Variants in KANSL1 observed in about 807,000 individuals in gnomAD.
KANSL1 encodes the protein MLL1/MLL complex subunit KANSL1.
Under a neutral mutation model 103.6 loss-of-function variants are expected in KANSL1, and 22 were observed. That is an observed-to-expected ratio of 0.21 (90% CI 0.15 to 0.30). The LOEUF (loss-of-function observed/expected upper bound fraction) is 0.30, where lower values mean the gene tolerates loss of function less well. KANSL1 is among the 10% of genes least tolerant of loss of function. KANSL1 has a pLI of 1.00. For missense variants in KANSL1, 1,337 were observed against 1,399.8 expected, an observed-to-expected ratio of 0.96 and a Z score of 0.72; for synonymous variants, 600 against 527.6, an observed-to-expected ratio of 1.14 and a Z score of -1.88.
chr17:46,062,099 AAAAAAAAAAACAAACAAAC>A (rs2078182823), intron 6 of KANSL1, among the ~76,000 whole-genome samples: 1 of 67,274 alleles, frequency 1.5e-5, no homozygotes, highest in South Asian at 5.5e-4. Flanking sequence ...CTCAAAAAAA[AAAAAAAAAAACAAACAAAC>A]AAAAAAAAAA....
At chr17:46,110,520 T>C (rs2042757669) in intron 2 of KANSL1, among the ~76,000 whole-genome samples, 1 of 152,070 alleles carries the variant, frequency 6.6e-6, no homozygotes, top group Non-Finnish European at 1.5e-5. Flanking sequence ...AGACTTGACA[T>C]AGGTGCTCTG....
intron 2 of KANSL1, among the ~76,000 whole-genome samples, chr17:46,146,333 G>A (rs945516962): frequency 6.6e-6 from 1 of 152,202 alleles, no homozygotes. Flanking sequence ...TTTACAGAGA[G>A]GGAAATCAAT....
intron 1 of KANSL1, chr17:46,223,649 A>G (rs1236793163): frequency 1.3e-5 from 2 of 151,038 alleles, no homozygotes; most frequent in East Asian, 3.9e-4. Flanking sequence ...GAGGCTGGTA[A>G]TGAAAAAATA....
chr17:46,047,628 G>C lies in KANSL1; in HGVS notation c.2020+2905C>G, dbSNP rs138346632. Among the ~76,000 whole-genome samples, 79 of 151,868 alleles carry C rather than the reference G, an allele frequency of 5.2e-4. No individual in the cohort carries two copies. The East Asian group carries it at 0.011, about 22-fold the overall frequency. Reference sequence around the variant, plus strand: ...GCAAGACCCCATCTTTGTAGGGGGCGGGAGGCGGGGAAGCAGGTTGTGGTG... The same window carrying C: ...GCAAGACCCCATCTTTGTAGGGGGCCGGAGGCGGGGAAGCAGGTTGTGGTG... On this transcript the variant is annotated intron_variant, in intron 7 of 14. Coordinates refer to ENST00000432791, the MANE Select transcript of KANSL1 (RefSeq NM_015443.4).
At chr17:46,169,898 T>C (rs2046192750) in intron 2 of KANSL1, among the ~76,000 whole-genome samples, 1 of 152,140 alleles carries the variant, frequency 6.6e-6, no homozygotes, top group South Asian at 2.1e-4. Flanking sequence ...ACCAGTAAGA[T>C]GAGGTGGGCG....
rs2045180771 is a variant in KANSL1, at chr17:46,152,596, T to A, written c.1289+18259A>T. 6.5e-5 allele frequency among the ~76,000 whole-genome samples: 9 copies of A among 138,638 alleles called. No homozygotes were observed. In the South Asian group the frequency reaches 2.2e-3, roughly 34 times the overall value. 91.0% of individuals were successfully genotyped at this position (138,638 alleles called of 152,430 possible). ...AATAGACACAAAGGGGGGGGGGGGA[T>A]TTCAGAGATTTATTTAGATCATGTC... On this transcript the variant is annotated intron_variant, in intron 2 of 14. Transcript: ENST00000432791.
At chr17:46,165,285 T>C (rs531933085) in intron 2 of KANSL1, among the ~76,000 whole-genome samples, 1 of 152,286 alleles carries the variant, frequency 6.6e-6, no homozygotes, top group East Asian at 1.9e-4. Context: ...CAGGCTGGAG[T>C]GCAGTGGTGC....
chr17:46,045,763 A>G (rs1368797321), intron 7 of KANSL1: 1 of 152,180 alleles, frequency 6.6e-6, no homozygotes, highest in East Asian at 1.9e-4. Context: ...AGGGAAATGG[A>G]ACCTCTTAGT....
intron 6 of KANSL1, among the ~76,000 whole-genome samples, chr17:46,055,129 G>A (rs1481367016): frequency 6.6e-6 from 1 of 151,636 alleles, no homozygotes; most frequent in Non-Finnish European, 1.5e-5. Context: ...GATTACAGAC[G>A]TGAGCCACCG....
At chr17:46,062,091 C>CAAAAAAAAAA (rs35638067) in intron 6 of KANSL1, among the ~76,000 whole-genome samples, 4 of 70,070 alleles carry the variant, frequency 5.7e-5, no homozygotes, top group African/African-American at 1.4e-4. Context: ...GACTCCGACT[C>CAAAAAAAAAA]AAAAAAAAAA....
intron 9 of KANSL1, 143 bp downstream of exon 9, chr17:46,038,884 A>T: frequency 8.5e-7 from 1 of 1,170,660 alleles, no homozygotes; most frequent in Non-Finnish European, 1.2e-6. Context: ...AGTGACCTCC[A>T]TTTAGAAGCA....
intron 2 of KANSL1, among the ~76,000 whole-genome samples, chr17:46,154,935 A>G (rs1490733135): frequency 6.6e-6 from 1 of 152,214 alleles, no homozygotes. Flanking sequence ...TACTGGGATT[A>G]CAAGGTATAA....
At chr17:46,215,780 C>A (rs2048321025) in intron 1 of KANSL1, among the ~76,000 whole-genome samples, 1 of 152,232 alleles carries the variant, frequency 6.6e-6, no homozygotes, top group Admixed American at 6.5e-5. Flanking sequence ...GTGGCTCACG[C>A]CTGTAATCCC....
intron 7 of KANSL1, among the ~76,000 whole-genome samples, chr17:46,047,995 C>T (rs1254270182): frequency 1.3e-5 from 2 of 151,208 alleles, no homozygotes; most frequent in African/African-American, 2.4e-5. Context: ...GCGGCCAAGA[C>T]TTCCTGGGCT....
At chr17:46,145,566 A>T (rs1184050609) in intron 2 of KANSL1, among the ~76,000 whole-genome samples, 2 of 152,224 alleles carry the variant, frequency 1.3e-5, no homozygotes, top group African/African-American at 4.8e-5. Context: ...CTACATTTTA[A>T]TGCACTAAAT....
intron 2 of KANSL1, among the ~76,000 whole-genome samples, chr17:46,134,094 C>A (rs894929205): frequency 2.0e-5 from 3 of 152,172 alleles, no homozygotes; most frequent in Non-Finnish European, 4.4e-5. Context: ...GAATCAAGAG[C>A]CCCATTACAA....
Position 46,039,742 on chromosome 17 carries a change from C to CGT in KANSL1, c.2162_2163insAC (p.Asp722ArgfsTer11). On this transcript the variant is annotated frameshift_variant, in exon 8 of 15. Coordinates refer to ENST00000432791, the MANE Select transcript of KANSL1 (RefSeq NM_015443.4). LOFTEE classifies it high-confidence loss of function. ...AGGAGCTGACCAATTTGTGCCTGTC[C>CGT]TTACGAGCTGAATCTGGCAGACTGC... 1 of 1,614,136 alleles carries CGT rather than the reference C, an allele frequency of 6.2e-7. No individual in the cohort carries two copies. The highest frequency in any genetic ancestry group is 8.5e-7 in the Non-Finnish European group (1 of 1,180,020).
intron 2 of KANSL1, among the ~76,000 whole-genome samples, chr17:46,136,792 C>A (rs1298241782): frequency 6.6e-6 from 1 of 152,208 alleles, no homozygotes; most frequent in Non-Finnish European, 1.5e-5. Flanking sequence ...AAGACAAAAG[C>A]ACTTTTGTCC....
chr17:46,129,116 C>T (rs62063200), intron 2 of KANSL1, among the ~76,000 whole-genome samples: 21,640 of 151,792 alleles, frequency 0.14, 2,122 homozygotes, highest in Non-Finnish European at 0.22. Flanking sequence ...ATCTCTGCAT[C>T]CCCTCAGAGA....
Sources: gnomAD v4.1 joint callset for allele counts (sites outside exome capture counted in the v4.1 genomes callset) on GRCh38, gnomAD v4.1.1 for gene constraint, MANE v1.5 for transcripts, NCBI Gene and HGNC (gene_info 2026-07-23, HGNC 2026-07-21) for gene names.